LARP1B: variants seen among roughly 807,000 people sequenced by gnomAD.
LARP1B encodes La ribonucleoprotein 1B, also known as la-related protein 1B.
In LARP1B, 76 loss-of-function variants were observed where a neutral mutation model predicts 114.2. The ratio of observed to expected loss-of-function variants is 0.67; its 90% CI spans 0.55 to 0.81. The LOEUF (loss-of-function observed/expected upper bound fraction) is 0.81. Ranked by LOEUF, LARP1B falls within the 30% of genes least tolerant of loss-of-function variation. The probability of loss-of-function intolerance (pLI) is 0.00; values close to 1 mark genes in which losing one functional copy is unlikely to be tolerated. For missense variants in LARP1B, 1,014 were observed against 1,075.8 expected (o/e 0.94, Z 0.80); for synonymous variants, 345 against 348.0 (o/e 0.99, Z 0.10).
intron 1 of LARP1B, chr4:128,069,112 T>C: frequency 9.1e-7 from 1 of 1,094,672 alleles, no homozygotes; most frequent in East Asian, 2.4e-5. Flanking sequence ...TTTCCAAGGC[T>C]ATGGCTCTTT....
chr4:128,176,123 C>T (rs955361846), intron 12 of LARP1B, among the ~76,000 whole-genome samples: 3 of 140,534 alleles, frequency 2.1e-5, no homozygotes, highest in Non-Finnish European at 4.6e-5. Flanking sequence ...TATATATACA[C>T]ATATATGTGT....
chr4:128,166,922 A>C (rs185435052), intron 12 of LARP1B, among the ~76,000 whole-genome samples: 28 of 140,580 alleles, frequency 2.0e-4, no homozygotes, highest in South Asian at 1.1e-3. Flanking sequence ...AGGCTTAATT[A>C]TATTCTATTC....
chr4:128,154,232 T>C (rs1381711141), intron 11 of LARP1B, among the ~76,000 whole-genome samples: 2 of 152,240 alleles, frequency 1.3e-5, no homozygotes, highest in African/African-American at 2.4e-5. Context: ...TGTACTTTGC[T>C]CTGTGTTAGC....
chr4:128,167,925 C>G (rs1741851867), intron 12 of LARP1B, among the ~76,000 whole-genome samples: 2 of 152,014 alleles, frequency 1.3e-5, no homozygotes, highest in Non-Finnish European at 2.9e-5. Context: ...AGCCTAGTGC[C>G]TTTCAGATTT....
intron 12 of LARP1B, 93 bp downstream of exon 12, chr4:128,162,410 G>A: frequency 2.6e-6 from 3 of 1,135,718 alleles, no homozygotes; most frequent in Non-Finnish European, 3.7e-6. Context: ...CTTTATTTGT[G>A]GAAAATCATT....
At chr4:128,200,444 A>G in intron 16 of LARP1B, 77 bp from the exon 17 acceptor site, 1 of 970,530 alleles carries the variant, frequency 1.0e-6, no homozygotes, top group South Asian at 2.3e-5. Context: ...AGCTTTCTTC[A>G]TTTTATATAT....
chr4:128,084,293 A>G (rs1177394571), intron 5 of LARP1B, among the ~76,000 whole-genome samples: 4 of 152,172 alleles, frequency 2.6e-5, no homozygotes, highest in African/African-American at 4.8e-5. Context: ...TGGAGGTTGT[A>G]GCGAGCTGAG....
chr4:128,222,408 A>C, exon 8 of LARP1B: 2 of 456,652 alleles, frequency 4.4e-6, no homozygotes, highest in Non-Finnish European at 8.8e-6. Context: ...GCAGGATATG[A>C]GAATCTGCCT....
chr4:128,200,563 C>T lies in LARP1B; in HGVS notation c.2207C>T (p.Thr736Ile). The change falls in exon 17 of 20, where the codon ACC becomes ATC. Residue 736 changes from threonine (T) to isoleucine (I), a missense_variant. By Grantham distance (89) the Thr-to-Ile change is moderately conservative. Transcript: ENST00000326639. ...ATTGGTCAGTCCCAAGAAATGAATA[C>T]CCTCTTTCGTTTCTGGTCCTTTTTC... ...LGIGQSQEMN[T>I]LFRFWSFFLR... The T allele has an allele frequency of 6.3e-7, 1 of 1,589,464 alleles. No homozygotes were observed. The highest frequency in any genetic ancestry group is 8.6e-7 in the Non-Finnish European group (1 of 1,168,594).
rs1242686097 is a variant in LARP1B, at chr4:128,091,407, A to T, written c.563A>T (p.Gln188Leu). The change falls in exon 7 of 20, where the codon CAA becomes CTA. Residue 188 changes from glutamine to leucine, a missense_variant. Gln to Leu is a moderately radical substitution (Grantham distance 113). Coordinates refer to ENST00000326639, the MANE Select transcript of LARP1B (RefSeq NM_018078.4). ...GGTGAAAGGACTGATCAACCATTTC[A>T]AACAGAACTTAATACCAGTATGATG... ...EHGERTDQPF[Q>L]TELNTSMMYY... The T allele has an allele frequency of 3.1e-6, 5 of 1,612,742 alleles. No homozygotes were observed. Among genetic ancestry groups the T allele is most frequent in the Non-Finnish European group, 2.5e-6 (3 of 1,178,828 alleles).
At chr4:128,098,412 T>A in intron 8 of LARP1B, 82 bp downstream of exon 8, 1 of 1,181,822 alleles carries the variant, frequency 8.5e-7, no homozygotes, top group Non-Finnish European at 1.2e-6. Flanking sequence ...AACAGAGTAC[T>A]AAAAACAGAC....
chr4:128,166,915 C>T (rs1256901225), intron 12 of LARP1B, among the ~76,000 whole-genome samples: 1 of 141,860 alleles, frequency 7.0e-6, no homozygotes, highest in African/African-American at 2.6e-5. Flanking sequence ...TTTTTAAAGG[C>T]TTAATTATAT....
chr4:128,100,551 C>T (rs997449377), intron 8 of LARP1B, among the ~76,000 whole-genome samples: 5 of 151,954 alleles, frequency 3.3e-5, no homozygotes, highest in South Asian at 2.1e-4. Flanking sequence ...GGATTACAGG[C>T]GTGAGCCACC....
At chr4:128,062,179 G>C (rs939680408) in intron 1 of LARP1B, 2 of 985,270 alleles carry the variant, frequency 2.0e-6, no homozygotes, top group African/African-American at 1.7e-5. Context: ...CCCCAGACAC[G>C]ACAGGTCCGC....
chr4:128,195,064 T>C (rs1578595668), intron 15 of LARP1B, among the ~76,000 whole-genome samples: 1 of 152,166 alleles, frequency 6.6e-6, no homozygotes, highest in African/African-American at 2.4e-5. Context: ...GTGTGTCTTA[T>C]ACATTTTGAT....
chr4:128,105,603 C>T (rs991908030), intron 8 of LARP1B, among the ~76,000 whole-genome samples: 5 of 152,060 alleles, frequency 3.3e-5, no homozygotes, highest in Non-Finnish European at 5.9e-5. Context: ...AAAGGAATCC[C>T]CAATTATGGC....
intron 1 of LARP1B, among the ~76,000 whole-genome samples, chr4:128,068,317 T>A (rs1290291994): frequency 1.4e-5 from 2 of 140,014 alleles, no homozygotes; most frequent in Admixed American, 7.2e-5. Flanking sequence ...CACACCCGGC[T>A]TTTTTTTTTT....
At chr4:128,123,101 C>G in intron 11 of LARP1B, 2 of 985,346 alleles carry the variant, frequency 2.0e-6, no homozygotes, top group Non-Finnish European at 2.4e-6. Flanking sequence ...GACTGCCTGT[C>G]GGTGGGGCTT....
chr4:128,078,959 A>G (rs954995952), intron 4 of LARP1B, among the ~76,000 whole-genome samples: 8 of 152,176 alleles, frequency 5.3e-5, no homozygotes, highest in African/African-American at 1.9e-4. Context: ...TTTGAATACC[A>G]TGGGAAACCA....
Sources: allele counts gnomAD v4.1 joint callset (sites outside exome capture counted in the v4.1 genomes callset), GRCh38; gene constraint gnomAD v4.1.1; transcripts MANE v1.5; gene names NCBI Gene and HGNC (gene_info 2026-07-23, HGNC 2026-07-21).